The following HS1BP3 variants were observed in gnomAD, a reference collection of about 807,000 sequenced individuals.
HS1BP3 encodes the protein HCLS1-binding protein 3.
HS1BP3 carries 32 observed loss-of-function variants against 33.5 expected under a neutral mutation model. The observed-to-expected ratio is 0.95, with a 90% confidence interval of 0.72 to 1.28. The LOEUF (loss-of-function observed/expected upper bound fraction) is 1.28. Among genes scored for constraint, HS1BP3 ranks in the 50% most tolerant of loss-of-function variants. The probability of loss-of-function intolerance (pLI) is 0.00; values close to 1 mark genes in which losing one functional copy is unlikely to be tolerated. For missense variants in HS1BP3, 486 were observed against 502.3 expected, an observed-to-expected ratio of 0.97 and a Z score of 0.31; for synonymous variants, 187 against 209.2, an observed-to-expected ratio of 0.89 and a Z score of 0.92.
chr2:20,574,055 C>T (rs570697406), intron 5 of HS1BP3, among the ~76,000 whole-genome samples: 2 of 152,326 alleles, frequency 1.3e-5, no homozygotes, highest in Admixed American at 6.5e-5. Flanking sequence ...GGGTTGCCCT[C>T]AAAAACCCAG....
At chr2:20,561,979 A>G (rs899287597) in intron 5 of HS1BP3, among the ~76,000 whole-genome samples, 1 of 152,170 alleles carries the variant, frequency 6.6e-6, no homozygotes, top group Non-Finnish European at 1.5e-5. Context: ...CAATGATTTA[A>G]TCAATCATAC....
intron 2 of HS1BP3, among the ~76,000 whole-genome samples, chr2:20,598,628 G>C (rs936948520): frequency 4.1e-5 from 5 of 123,124 alleles, no homozygotes; most frequent in Non-Finnish European, 6.3e-5. Context: ...GCGGGATCTC[G>C]GCTCACTGCA....
At chr2:20,563,280 A>G (rs1027354834) in intron 5 of HS1BP3, among the ~76,000 whole-genome samples, 6 of 152,214 alleles carry the variant, frequency 3.9e-5, no homozygotes, top group African/African-American at 1.4e-4. Context: ...GCACCCACAC[A>G]TTACAGATGG....
chr2:20,641,248 C>A (rs1381533152), intron 2 of HS1BP3, 68 bp from the exon 3 acceptor site: 7 of 1,403,386 alleles, frequency 5.0e-6, no homozygotes, highest in Non-Finnish European at 6.9e-6. Context: ...CTCACCCCGA[C>A]CAGGGGTTCC....
At chr2:20,567,595 C>G (rs1244754837) in intron 5 of HS1BP3, among the ~76,000 whole-genome samples, 5 of 152,194 alleles carry the variant, frequency 3.3e-5, no homozygotes, top group African/African-American at 7.2e-5. Flanking sequence ...CTACTTCCCC[C>G]CCAGACACAG....
intron 2 of HS1BP3, among the ~76,000 whole-genome samples, chr2:20,599,483 C>T (rs917647238): frequency 4.6e-5 from 7 of 152,176 alleles, no homozygotes; most frequent in Non-Finnish European, 8.8e-5. Context: ...TTTGGATACA[C>T]ACCAAACCGG....
chr2:20,627,065 G>A (rs1368782780), intron 4 of HS1BP3, among the ~76,000 whole-genome samples: 1 of 152,210 alleles, frequency 6.6e-6, no homozygotes, highest in Non-Finnish European at 1.5e-5. Context: ...TCCACGGTCA[G>A]CCAGGCTCGC....
intron 5 of HS1BP3, chr2:20,586,518 T>C (rs938592194): frequency 2.0e-5 from 3 of 152,134 alleles, no homozygotes; most frequent in African/African-American, 7.2e-5. Context: ...TTACCAAAAA[T>C]AGAGAGCCCC....
intron 5 of HS1BP3, among the ~76,000 whole-genome samples, chr2:20,562,371 T>G (rs1693021028): frequency 6.6e-6 from 1 of 152,010 alleles, no homozygotes; most frequent in Non-Finnish European, 1.5e-5. Flanking sequence ...CCCAGCTGCT[T>G]GGGAGGCTGA....
At chr2:20,602,273 A>T (rs1296459568) in intron 2 of HS1BP3, among the ~76,000 whole-genome samples, 2 of 152,196 alleles carry the variant, frequency 1.3e-5, no homozygotes, top group East Asian at 3.9e-4. Context: ...TCTAAACTAC[A>T]GATACACTTT....
intron 5 of HS1BP3, among the ~76,000 whole-genome samples, chr2:20,577,552 C>T (rs1693429967): frequency 6.6e-6 from 1 of 152,158 alleles, no homozygotes; most frequent in Non-Finnish European, 1.5e-5. Context: ...CCCCCAGCTC[C>T]ACCAGGGGCA....
intron 1 of HS1BP3, among the ~76,000 whole-genome samples, chr2:20,647,134 A>T (rs140850268): frequency 7.9e-4 from 121 of 152,264 alleles, no homozygotes; most frequent in African/African-American, 2.8e-3. Context: ...TGGGAAAGGG[A>T]TGGAGCAGAC....
Position 20,562,159 on chromosome 2 carries a change from T to C in HS1BP3, c.303-1644A>G, listed in dbSNP as rs145592284. On this transcript the variant is annotated intron_variant, in intron 5 of 5. Transcript: ENST00000446825. The stretch of plus-strand genomic sequence containing the variant: ...CATCTCTTTCAACTCCGACTGTTCA[T>C]TGGACTCCTCTGTAACATCCTTTAT... 1.1e-3 allele frequency among the ~76,000 whole-genome samples: 163 copies of C among 152,266 alleles called. 1 individual carries two copies. Among genetic ancestry groups the C allele is most frequent in the Non-Finnish European group, 2.8e-4 (19 of 68,020 alleles).
intron 2 of HS1BP3, among the ~76,000 whole-genome samples, chr2:20,598,494 T>C (rs1693993468): frequency 1.3e-5 from 2 of 151,026 alleles, no homozygotes; most frequent in Admixed American, 1.3e-4. Flanking sequence ...GCTGCTCACC[T>C]TCTGCTGTGC....
intron 2 of HS1BP3, among the ~76,000 whole-genome samples, chr2:20,603,187 A>G (rs897512588): frequency 6.6e-6 from 1 of 152,268 alleles, no homozygotes; most frequent in Non-Finnish European, 1.5e-5. Flanking sequence ...AAAAAGTTAA[A>G]CATAGAATCA....
intron 6 of HS1BP3, among the ~76,000 whole-genome samples, chr2:20,621,957 G>A (rs958312217): frequency 6.6e-6 from 1 of 152,210 alleles, no homozygotes; most frequent in East Asian, 1.9e-4. Context: ...TCAACCAGTG[G>A]GGGGTAAGGG....
At chr2:20,589,965 C>T (rs1404139712), downstream of HS1BP3, among the ~76,000 whole-genome samples, 1 of 152,170 alleles carries the variant, frequency 6.6e-6, no homozygotes, top group Non-Finnish European at 1.5e-5. Context: ...GTCCCAGCAG[C>T]TCTCAGTTCA....
At chr2:20,601,731 T>A (rs139922017) in intron 2 of HS1BP3, among the ~76,000 whole-genome samples, 13 of 150,728 alleles carry the variant, frequency 8.6e-5, no homozygotes, top group African/African-American at 2.7e-4. Context: ...CCATTAAACC[T>A]CTTTCCTTTA....
At chr2:20,558,479 G>T (rs1692894855), downstream of HS1BP3, among the ~76,000 whole-genome samples, 1 of 152,148 alleles carries the variant, frequency 6.6e-6, no homozygotes, top group Non-Finnish European at 1.5e-5. Context: ...CTCAGTTCTG[G>T]GCTGCAAGGT....
Sources: gnomAD v4.1 joint callset for allele counts (sites outside exome capture counted in the v4.1 genomes callset) on GRCh38, gnomAD v4.1.1 for gene constraint, MANE v1.5 for transcripts, NCBI Gene and HGNC (gene_info 2026-07-23, HGNC 2026-07-21) for gene names.